The following DUSP10 variants were observed in gnomAD, a reference collection of about 807,000 sequenced individuals.
DUSP10 encodes the protein dual specificity phosphatase 10, also known as dual specificity protein phosphatase 10.
Under a neutral mutation model 30.8 loss-of-function variants are expected in DUSP10, and 14 were observed. The ratio of observed to expected loss-of-function variants is 0.46; its 90% confidence interval spans 0.30 to 0.71. The LOEUF is 0.71. Among genes scored for constraint, DUSP10 ranks in the 30% least tolerant of loss-of-function variants. The pLI, the probability that DUSP10 is intolerant of heterozygous loss-of-function variation, is 0.08. For synonymous variants in DUSP10, 254 were observed against 250.4 expected (o/e 1.01, Z -0.14); for missense variants, 550 against 619.4 (o/e 0.89, Z 1.19).
chr1:221,706,718 A>G lies in DUSP10; in HGVS notation c.812-252T>C, dbSNP rs963202770. On this transcript the variant is annotated intron_variant, in intron 2 of 3. Coordinates refer to ENST00000366899, the MANE Select transcript of DUSP10 (RefSeq NM_007207.6). The surrounding 1 kb of genome is among the most constrained non-coding windows in gnomAD (Gnocchi z 4.6). ...AACACTTTGGAAATGTGCTCTTTCT[A>G]CAAATGAGGGCATGTTCCCCTAGCA... Among the ~76,000 whole-genome samples the G allele has an allele frequency of 3.3e-5, 5 of 152,222 alleles. No homozygotes were observed. The highest frequency in any genetic ancestry group is 1.2e-4 in the African/African-American group (5 of 41,464).
chr1:221,729,730 T>C (rs1376358456), intron 2 of DUSP10, among the ~76,000 whole-genome samples: 1 of 152,242 alleles, frequency 6.6e-6, no homozygotes, highest in African/African-American at 2.4e-5. Context: ...GCCAGAGTAG[T>C]TCTATGTGAT....
chr1:221,722,324 T>A (rs1558122246), intron 2 of DUSP10, among the ~76,000 whole-genome samples: 1 of 152,222 alleles, frequency 6.6e-6, no homozygotes, highest in Non-Finnish European at 1.5e-5. Context: ...GAATGCCTCA[T>A]GTTCTGTACC....
chr1:221,707,487 C>T (rs1398330639), intron 2 of DUSP10, among the ~76,000 whole-genome samples: 1 of 152,152 alleles, frequency 6.6e-6, no homozygotes, highest in East Asian at 1.9e-4. Context: ...CTCTGCCTCC[C>T]ACGAGTTATG....
At chr1:221,735,308 C>T (rs1328863149) in intron 2 of DUSP10, among the ~76,000 whole-genome samples, 5 of 152,170 alleles carry the variant, frequency 3.3e-5, no homozygotes, top group Non-Finnish European at 7.3e-5. Context: ...GACACACAGA[C>T]CCCAAGGAGG....
intron 3 of DUSP10, among the ~76,000 whole-genome samples, chr1:221,704,756 C>T (rs1474276623): frequency 6.6e-6 from 1 of 152,184 alleles, no homozygotes; most frequent in Non-Finnish European, 1.5e-5. Context: ...AGTCACTTTA[C>T]TTCTCTAAGT....
intron 2 of DUSP10, chr1:221,737,188 T>G (rs1661801419): frequency 1.0e-6 from 1 of 985,266 alleles, no homozygotes; most frequent in African/African-American, 1.7e-5. Flanking sequence ...GATTAGGAGG[T>G]CTAGGATCAT....
At chr1:221,741,179 G>T (rs146362080) in intron 1 of DUSP10, among the ~76,000 whole-genome samples, 3,887 of 152,262 alleles carry the variant, frequency 0.026, 180 homozygotes, top group African/African-American at 0.087. Flanking sequence ...CCCACCTTTG[G>T]ATGGGAGCGA....
rs115888457 is a variant in DUSP10, at chr1:221,709,628, C to T, written c.812-3162G>A. ...CATAAGGCTTATGCACAGCTCTGTA[C>T]TGCAGTTAAAAACTCTCTCTGTGGA... On this transcript the variant is annotated intron_variant, in intron 2 of 3. Coordinates refer to ENST00000366899, the MANE Select transcript of DUSP10 (RefSeq NM_007207.6). 7.8e-3 allele frequency among the ~76,000 whole-genome samples: 1,190 copies of T among 152,262 alleles called. 6 individuals carry two copies. The highest frequency in any genetic ancestry group is 0.013 in the Non-Finnish European group (866 of 68,012).
intron 2 of DUSP10, among the ~76,000 whole-genome samples, chr1:221,708,810 TC>T (rs1399055635): frequency 6.6e-6 from 1 of 152,122 alleles, no homozygotes; most frequent in African/African-American, 2.4e-5. Context: ...AAACCCAAAT[TC>T]CACACAGATT....
intron 2 of DUSP10, among the ~76,000 whole-genome samples, chr1:221,719,842 T>C (rs1349109130): frequency 6.6e-6 from 1 of 152,216 alleles, no homozygotes; most frequent in East Asian, 1.9e-4. Flanking sequence ...GCCACCCCTA[T>C]ACAATCAGGA....
intron 2 of DUSP10, among the ~76,000 whole-genome samples, chr1:221,723,701 T>C (rs1007517787): frequency 1.3e-5 from 2 of 152,196 alleles, no homozygotes; most frequent in African/African-American, 4.8e-5. Flanking sequence ...TAAAGACACA[T>C]ACAGGGCAAT....
chr1:221,702,399 A>T lies in DUSP10; in HGVS notation c.*13T>A, dbSNP rs1350250637. On this transcript the variant is annotated 3_prime_UTR_variant, in exon 4 of 4. Coordinates refer to ENST00000366899, the MANE Select transcript of DUSP10 (RefSeq NM_007207.6). This position sits in a 1 kb window ranked among gnomAD's most constrained non-coding sequence, Gnocchi z 4.5. ...CTAATGGAGAGCAGCAATCCTTTCC[A>T]TCCAGACCATTGTCACACAACCGTC... 14 of 1,612,890 alleles carry T rather than the reference A, an allele frequency of 8.7e-6. No individual in the cohort carries two copies. The highest frequency in any genetic ancestry group is 1.2e-5 in the Non-Finnish European group (14 of 1,179,532).
At chr1:221,729,081 A>T (rs1217598467) in intron 2 of DUSP10, among the ~76,000 whole-genome samples, 1 of 152,234 alleles carries the variant, frequency 6.6e-6, no homozygotes, top group African/African-American at 2.4e-5. Context: ...ATCATGAGAC[A>T]TAACACTTGT....
intron 2 of DUSP10, among the ~76,000 whole-genome samples, chr1:221,720,758 A>G (rs1661259238): frequency 6.6e-6 from 1 of 152,254 alleles, no homozygotes. Context: ...TAGATGATTC[A>G]GACCTCAGAC....
rs12029722 is a variant in DUSP10, at chr1:221,706,853, A to G, written c.812-387T>C. On this transcript the variant is annotated intron_variant, in intron 2 of 3. Transcript: ENST00000366899. This position sits in a 1 kb window ranked among gnomAD's most constrained non-coding sequence, Gnocchi z 4.6. ...AACCCTGTGCTTTGGGAGCCAAGAA[A>G]GGCACAGATGACCTCCTCGGGTGGA... Among the ~76,000 whole-genome samples, 40,707 of 152,028 alleles carry G rather than the reference A, an allele frequency of 0.27. 6,094 individuals are homozygous for G. The highest frequency in any genetic ancestry group is 0.42 in the South Asian group (2,033 of 4,816).
intron 2 of DUSP10, among the ~76,000 whole-genome samples, chr1:221,733,617 A>G (rs1022174771): frequency 8.5e-5 from 13 of 152,272 alleles, no homozygotes; most frequent in African/African-American, 3.1e-4. Flanking sequence ...GTAGGAGAGC[A>G]GGGTCCAGAG....
Position 221,739,134 on chromosome 1 carries a change from C to A in DUSP10, c.611G>T (p.Arg204Ile). 1 of 1,614,246 alleles carries A rather than the reference C, an allele frequency of 6.2e-7. No individual in the cohort carries two copies. The highest frequency in any genetic ancestry group is 8.5e-7 in the Non-Finnish European group (1 of 1,180,048). The change falls in exon 2 of 4, where the codon AGA (arginine) becomes ATA (isoleucine). Residue 204 changes from arginine (R) to isoleucine (I), a missense_variant. Arg to Ile is a moderately conservative substitution (Grantham distance 97). Coordinates refer to ENST00000366899, the MANE Select transcript of DUSP10 (RefSeq NM_007207.6). ...GACAGTGATCTTGCCCTGCTGCAGT[C>A]TCCGCCGGCTGATCTTATCGGCACA... is the stretch of plus-strand genomic sequence containing the variant. The part of the protein sequence containing the change: ...INCADKISRR[R>I]LQQGKITVLD...
chr1:221,710,160 G>T (rs1028981438), intron 2 of DUSP10, among the ~76,000 whole-genome samples: 1 of 152,110 alleles, frequency 6.6e-6, no homozygotes, highest in Non-Finnish European at 1.5e-5. Context: ...ACACGACCAG[G>T]TATTCGATAA....
intron 2 of DUSP10, among the ~76,000 whole-genome samples, chr1:221,713,734 A>G (rs1408862962): frequency 1.3e-5 from 2 of 152,196 alleles, no homozygotes; most frequent in Non-Finnish European, 2.9e-5. Flanking sequence ...AATAGAATTT[A>G]GGTCCTTGGA....
Sources: allele counts gnomAD v4.1 joint callset (sites outside exome capture counted in the v4.1 genomes callset), GRCh38; gene constraint gnomAD v4.1.1; non-coding constraint Gnocchi (gnomAD v3.1); transcripts MANE v1.5; gene names NCBI Gene and HGNC (gene_info 2026-07-23, HGNC 2026-07-21).